Variants in TCF12 observed in about 807,000 individuals in gnomAD.
TCF12 encodes the protein DNA-binding protein HTF4.
A neutral mutation model predicts 86.0 loss-of-function variants in TCF12; 45 were observed. The observed-to-expected ratio is 0.52, with a 90% CI of 0.41 to 0.67. The LOEUF is 0.67. TCF12 is among the 30% of genes least tolerant of loss of function. The probability of loss-of-function intolerance (pLI) is 0.00; values close to 1 mark genes in which losing one functional copy is unlikely to be tolerated. For synonymous variants in TCF12, 330 were observed against 299.6 expected (o/e 1.10, Z -1.05); for missense variants, 881 against 859.9 (o/e 1.02, Z -0.31).
intron 8 of TCF12, among the ~76,000 whole-genome samples, chr15:57,221,414 A>G (rs1450744251): frequency 3.2e-5 from 2 of 63,136 alleles, no homozygotes; most frequent in East Asian, 5.2e-4. Context: ...GTGTGTGTGC[A>G]CGTGTATAAG....
At chr15:57,004,205 G>A (rs1230138947) in intron 3 of TCF12, among the ~76,000 whole-genome samples, 1 of 151,106 alleles carries the variant, frequency 6.6e-6, no homozygotes, top group South Asian at 2.1e-4. Flanking sequence ...GAACCTAAAC[G>A]TAGGTCTTAA....
chr15:57,237,144 A>T (rs201657878), intron 12 of TCF12, among the ~76,000 whole-genome samples: 23 of 135,458 alleles, frequency 1.7e-4, no homozygotes, highest in East Asian at 1.1e-3. Flanking sequence ...AAAGAGAGAG[A>T]GAGAGTGTGT....
chr15:57,010,738 A>G lies in TCF12; in HGVS notation c.149-53012A>G, dbSNP rs556043663. ...CTGAAGTTCATGGATAGTTTCTGAT[A>G]TGACTGATGTGGCCAGTCTAGTTCT... On this transcript the variant is annotated intron_variant, in intron 3 of 20. Transcript: ENST00000333725. Among the ~76,000 whole-genome samples, 8 of 152,346 alleles carry G rather than the reference A, an allele frequency of 5.3e-5. No individual in the cohort carries two copies. In the East Asian group the frequency reaches 1.5e-3, roughly 29 times the overall value.
chr15:57,073,492 T>G lies in TCF12; in HGVS notation c.222+9669T>G, dbSNP rs147890868. Among the ~76,000 whole-genome samples, 127 of 152,342 alleles carry G rather than the reference T, an allele frequency of 8.3e-4. 6 individuals are homozygous for G. In the East Asian group the frequency reaches 0.024, roughly 29 times the overall value. ...ACAATTTAGTTTACACACTTTCATG[T>G]TACCTGCTTTGATCTTCACACGAGC... On this transcript the variant is annotated intron_variant, in intron 4 of 20. Coordinates refer to ENST00000333725, the MANE Select transcript of TCF12 (RefSeq NM_207037.2).
intron 5 of TCF12, among the ~76,000 whole-genome samples, chr15:57,131,007 A>T (rs1042017244): frequency 6.6e-6 from 1 of 152,106 alleles, no homozygotes; most frequent in East Asian, 1.9e-4. Context: ...TTAATTCTGT[A>T]TTCATAGTAG....
intron 5 of TCF12, among the ~76,000 whole-genome samples, chr15:57,119,399 C>G (rs561295290): frequency 6.6e-6 from 1 of 150,886 alleles, no homozygotes; most frequent in South Asian, 2.1e-4. Flanking sequence ...GCAATCCTCT[C>G]CGCTCAGCCT....
intron 7 of TCF12, among the ~76,000 whole-genome samples, chr15:57,196,467 T>C (rs566701935): frequency 7.4e-4 from 113 of 152,338 alleles, no homozygotes; most frequent in African/African-American, 2.7e-3. Context: ...GATTGTTTAA[T>C]TCCCATTTTT....
intron 3 of TCF12, among the ~76,000 whole-genome samples, chr15:57,028,294 C>T (rs2733169): frequency 0.014 from 2,157 of 152,204 alleles, 44 homozygotes; most frequent in East Asian, 0.046. Flanking sequence ...TACCCAGTCT[C>T]GGGTATTTCT....
chr15:57,046,188 C>T (rs1474258763), intron 3 of TCF12, among the ~76,000 whole-genome samples: 2 of 152,116 alleles, frequency 1.3e-5, no homozygotes, highest in African/African-American at 4.8e-5. Context: ...ATTATCAACC[C>T]ACATTTAACA....
intron 4 of TCF12, among the ~76,000 whole-genome samples, chr15:57,072,944 T>A (rs191300436): frequency 6.6e-6 from 1 of 152,154 alleles, no homozygotes; most frequent in Non-Finnish European, 1.5e-5. Flanking sequence ...TAAGAAAAAA[T>A]TGGGTTGTGA....
At chr15:56,979,865 G>T (rs541714767) in intron 3 of TCF12, among the ~76,000 whole-genome samples, 190 of 152,074 alleles carry the variant, frequency 1.2e-3, no homozygotes, top group Non-Finnish European at 1.2e-3. Context: ...GTATTCATTT[G>T]CAGAAGTTTT....
intron 18 of TCF12, among the ~76,000 whole-genome samples, chr15:57,271,794 A>G (rs1346735548): frequency 6.6e-6 from 1 of 152,196 alleles, no homozygotes; most frequent in African/African-American, 2.4e-5. Context: ...ATTGAGGCTT[A>G]ATACACATGT....
At chr15:57,248,202 A>G in intron 13 of TCF12, 1 of 651,190 alleles carries the variant, frequency 1.5e-6, no homozygotes, top group Admixed American at 2.5e-5. Flanking sequence ...GGCCTAATGC[A>G]GTTGCTTGCA....
chr15:57,052,494 G>A (rs916105502), intron 3 of TCF12, among the ~76,000 whole-genome samples: 12 of 151,832 alleles, frequency 7.9e-5, no homozygotes, highest in African/African-American at 2.7e-4. Flanking sequence ...AAAATTACCC[G>A]GGCCTGGTAG....
At position 57,263,252 on chromosome 15, in the gene TCF12, G is replaced by A. The variant is rs1258261656; in HGVS notation, c.1723G>A (p.Val575Ile). ...TGAATCCTCCCAAAAAGATATCAAG[G>A]TTTCATCTAGAGGCAGAACAAGGTA... ...DDESSQKDIK[V>I]SSRGRTSSTN... Residue 575 changes from valine (V) to isoleucine (I), a missense_variant, in exon 18 of 21, where the codon GTT becomes ATT. Val to Ile is a conservative substitution (Grantham distance 29). This residue lies in a region of TCF12 where 766 missense variants were observed against 718.9 expected (regional missense o/e 1.07). Transcript: ENST00000333725. 1.9e-6 allele frequency: 3 copies of A among 1,610,594 alleles called. No individual in the cohort carries two copies. The highest frequency in any genetic ancestry group is 1.7e-4 in the Middle Eastern group (1 of 6,052).
chr15:57,060,710 T>A (rs1410433234), intron 3 of TCF12, among the ~76,000 whole-genome samples: 3 of 152,252 alleles, frequency 2.0e-5, no homozygotes, highest in Non-Finnish European at 4.4e-5. Flanking sequence ...CTCATCACTG[T>A]ATTGCAACTG....
At chr15:57,174,663 T>C (rs2055778012) in intron 6 of TCF12, among the ~76,000 whole-genome samples, 1 of 152,204 alleles carries the variant, frequency 6.6e-6, no homozygotes, top group African/African-American at 2.4e-5. Flanking sequence ...TAAAACTAAA[T>C]AGTACTTTTA....
chr15:57,283,972 G>A (rs1411969541), intron 20 of TCF12, among the ~76,000 whole-genome samples: 2 of 152,086 alleles, frequency 1.3e-5, no homozygotes, highest in African/African-American at 4.8e-5. Flanking sequence ...TGTAACATTA[G>A]CACACTGGAG....
chr15:57,040,396 T>G (rs188151937), intron 3 of TCF12, among the ~76,000 whole-genome samples: 3 of 152,336 alleles, frequency 2.0e-5, no homozygotes, highest in Admixed American at 2.0e-4. Context: ...GTGGATTCAG[T>G]ATCGGAAGAA....
Sources: gnomAD v4.1 joint callset for allele counts (sites outside exome capture counted in the v4.1 genomes callset) on GRCh38, gnomAD v4.1.1 for gene constraint, gnomAD v4.1.1 regional missense constraint, MANE v1.5 for transcripts, NCBI Gene and HGNC (gene_info 2026-07-23, HGNC 2026-07-21) for gene names.